Variants in EIF4E observed in about 807,000 individuals in gnomAD.
EIF4E encodes the protein eukaryotic translation initiation factor 4E.
For synonymous variants in EIF4E, 71 were observed against 88.5 expected (o/e 0.80, Z 1.11); for missense variants, 113 against 265.6 (o/e 0.43, Z 3.99).
intron 1 of EIF4E, among the ~76,000 whole-genome samples, chr4:98,911,085 TG>T: frequency 6.6e-6 from 1 of 150,984 alleles, no homozygotes; most frequent in Non-Finnish European, 1.5e-5. Flanking sequence ...AGTCTTGCCC[TG>T]TTGCCCAGGC....
intron 1 of EIF4E, among the ~76,000 whole-genome samples, chr4:98,920,323 C>T (rs1029175034): frequency 1.3e-4 from 20 of 149,690 alleles, no homozygotes; most frequent in South Asian, 8.4e-4. Flanking sequence ...TTTTTTGAGA[C>T]GGAGTTTCAC....
At chr4:98,909,524 G>A in intron 1 of EIF4E, 2 of 612,132 alleles carry the variant, frequency 3.3e-6, no homozygotes, top group Non-Finnish European at 5.8e-6. Flanking sequence ...AAAACACCCT[G>A]TACATAAAAG....
At chr4:98,903,636 A>T (rs1302771833) in intron 1 of EIF4E, among the ~76,000 whole-genome samples, 1 of 152,122 alleles carries the variant, frequency 6.6e-6, no homozygotes, top group Non-Finnish European at 1.5e-5. Flanking sequence ...AACATATGAC[A>T]TGTACAAGAA....
At chr4:98,919,517 A>ATT (rs1725555512) in intron 1 of EIF4E, among the ~76,000 whole-genome samples, 1 of 151,488 alleles carries the variant, frequency 6.6e-6, no homozygotes, top group Non-Finnish European at 1.5e-5. Context: ...TACAATATGT[A>ATT]TACATACATT....
intron 2 of EIF4E, among the ~76,000 whole-genome samples, chr4:98,898,948 T>A (rs1266243425): frequency 6.8e-6 from 1 of 146,208 alleles, no homozygotes; most frequent in Non-Finnish European, 1.5e-5. Context: ...TTAAAAAGTT[T>A]AAAAAAAAAA....
chr4:98,914,789 A>C (rs1010878615), intron 1 of EIF4E, among the ~76,000 whole-genome samples: 1 of 152,218 alleles, frequency 6.6e-6, no homozygotes, highest in African/African-American at 2.4e-5. Context: ...GGGTGACAAT[A>C]ACGTCAATTT....
chr4:98,890,621 A>G (rs1303239567), intron 3 of EIF4E, among the ~76,000 whole-genome samples: 4 of 152,212 alleles, frequency 2.6e-5, no homozygotes, highest in Non-Finnish European at 5.9e-5. Flanking sequence ...TGAGTCACTG[A>G]GCCCAGCCTT....
At chr4:98,924,078 TTTA>T (rs1725769438) in intron 1 of EIF4E, among the ~76,000 whole-genome samples, 1 of 141,172 alleles carries the variant, frequency 7.1e-6, no homozygotes, top group African/African-American at 2.5e-5. Flanking sequence ...ACTTCTTTTG[TTTA>T]TTTTTTTTTT....
chr4:98,882,801 C>T (rs1286518480), intron 6 of EIF4E, among the ~76,000 whole-genome samples: 2 of 149,950 alleles, frequency 1.3e-5, no homozygotes, highest in African/African-American at 4.9e-5. Flanking sequence ...ACAAAACTTC[C>T]GTAGGAAAAA....
rs895642548 is a variant in EIF4E at position 98,928,769 on chromosome 4, G to A, written c.18+326C>T. ...CGGCCCTGCGCCTTCCTATCATGAAGACACCATCCTCGCATACCCAGCCCA... is the reference window on the plus strand; with the variant it reads ...CGGCCCTGCGCCTTCCTATCATGAAAACACCATCCTCGCATACCCAGCCCA... On this transcript the variant is annotated intron_variant, in intron 1 of 6. Coordinates refer to ENST00000450253, the MANE Select transcript of EIF4E (RefSeq NM_001968.5). 103 of 1,298,930 alleles carry A rather than the reference G, an allele frequency of 7.9e-5. No homozygotes were observed. The South Asian group carries it at 1.4e-3, about 18-fold the overall frequency. The allele number at this position is 1,298,930 out of a possible 1,614,324, so 80.5% of individuals were successfully genotyped here. A position where few individuals can be genotyped will look rare whatever the true frequency, so the allele number is the denominator to read the frequency against.
chr4:98,884,296 G>A (rs549643312), intron 6 of EIF4E, among the ~76,000 whole-genome samples: 2 of 152,026 alleles, frequency 1.3e-5, no homozygotes, highest in Non-Finnish European at 2.9e-5. Flanking sequence ...TTCAAAGTAG[G>A]AAATAATACA....
At position 98,884,801 on chromosome 4, in the gene EIF4E, GAA is replaced by G. The variant is rs905284310; in HGVS notation, c.539+119_539+120del. The G allele has an allele frequency of 2.9e-6, 4 of 1,378,632 alleles. No individual in the cohort carries two copies. In the African/African-American group the frequency reaches 5.8e-5, roughly 20 times the overall value. 85.4% of individuals were successfully genotyped at this position (1,378,632 alleles called of 1,614,324 possible). On this transcript the variant is annotated intron_variant, in intron 6 of 6. Coordinates refer to ENST00000450253, the MANE Select transcript of EIF4E (RefSeq NM_001968.5). The stretch of plus-strand genomic sequence containing the variant: ...CGTTCAAAATTATAAAAGTGTTCAC[GAA>G]AACAATACAAGGAAAACAGGATCTA...
At chr4:98,924,081 ATTT>A (rs368748064) in intron 1 of EIF4E, among the ~76,000 whole-genome samples, 1 of 146,024 alleles carries the variant, frequency 6.8e-6, no homozygotes, top group Admixed American at 6.8e-5. Flanking sequence ...TCTTTTGTTT[ATTT>A]TTTTTTTTTT....
chr4:98,888,979 T>C (rs1422389815), intron 3 of EIF4E, among the ~76,000 whole-genome samples: 1 of 152,024 alleles, frequency 6.6e-6, no homozygotes, highest in African/African-American at 2.4e-5. Context: ...ACCAACATGA[T>C]GAAACCCTGT....
chr4:98,909,034 C>T (rs1670603020), intron 1 of EIF4E, among the ~76,000 whole-genome samples: 2 of 152,184 alleles, frequency 1.3e-5, no homozygotes, highest in South Asian at 4.1e-4. Flanking sequence ...ATACTGTGCT[C>T]TGTTCTACAG....
chr4:98,896,248 T>C (rs1305235581), intron 2 of EIF4E, among the ~76,000 whole-genome samples: 1 of 151,762 alleles, frequency 6.6e-6, no homozygotes, highest in Non-Finnish European at 1.5e-5. Flanking sequence ...GGCATGTGTC[T>C]ATAGTCCCTG....
At chr4:98,924,847 G>A (rs529346713) in intron 1 of EIF4E, among the ~76,000 whole-genome samples, 6 of 152,124 alleles carry the variant, frequency 3.9e-5, no homozygotes, top group African/African-American at 1.4e-4. Flanking sequence ...CACCCGCCTC[G>A]GCCTCCCAAA....
intron 1 of EIF4E, among the ~76,000 whole-genome samples, chr4:98,912,929 G>A (rs113912658): frequency 0.05 from 7,562 of 152,174 alleles, 617 homozygotes; most frequent in African/African-American, 0.17. Flanking sequence ...GTGTTTTGCC[G>A]GGTGTGGTGG....
intron 2 of EIF4E, among the ~76,000 whole-genome samples, chr4:98,900,790 C>T (rs1053879399): frequency 1.3e-5 from 2 of 152,112 alleles, no homozygotes; most frequent in African/African-American, 4.8e-5. Context: ...ATATAATGAA[C>T]TAATACTCAA....
Sources: allele counts gnomAD v4.1 joint callset (sites outside exome capture counted in the v4.1 genomes callset), GRCh38; gene constraint gnomAD v4.1.1; transcripts MANE v1.5; gene names NCBI Gene and HGNC (gene_info 2026-07-23, HGNC 2026-07-21).